LDLRAD4: variants seen among roughly 807,000 people sequenced by gnomAD.
LDLRAD4 encodes low-density lipoprotein receptor class A domain-containing protein 4.
A neutral mutation model predicts 17.0 loss-of-function variants in LDLRAD4; 5 were observed. That is an observed-to-expected ratio of 0.29 (90% CI 0.15 to 0.62). LDLRAD4 has a LOEUF of 0.62. Among genes scored for constraint, LDLRAD4 ranks in the 20% least tolerant of loss-of-function variants. LDLRAD4 has a pLI of 0.84. For synonymous variants in LDLRAD4, 168 were observed against 171.8 expected (o/e 0.98, Z 0.17); for missense variants, 340 against 424.7 (o/e 0.80, Z 1.75).
intron 1 of LDLRAD4, chr18:13,239,843 A>T (rs949932031): frequency 6.6e-6 from 1 of 152,268 alleles, no homozygotes; most frequent in Admixed American, 6.5e-5. Flanking sequence ...TGTACCAGCC[A>T]TGAGATGCCA....
chr18:13,418,521 G>T (rs1442880420), intron 2 of LDLRAD4, among the ~76,000 whole-genome samples: 1 of 152,192 alleles, frequency 6.6e-6, no homozygotes, highest in Non-Finnish European at 1.5e-5. Context: ...GCTGCTGTTG[G>T]CTTCTGGGTC....
At chr18:13,516,611 G>C (rs2093871275) in intron 3 of LDLRAD4, among the ~76,000 whole-genome samples, 1 of 152,174 alleles carries the variant, frequency 6.6e-6, no homozygotes, top group African/African-American at 2.4e-5. Context: ...CACTTCAAGT[G>C]GACACTATTT....
chr18:13,569,839 C>T (rs950152570), intron 3 of LDLRAD4, among the ~76,000 whole-genome samples: 1 of 152,176 alleles, frequency 6.6e-6, no homozygotes, highest in Non-Finnish European at 1.5e-5. Context: ...GAGCCAATAT[C>T]GTGCCACCGC....
At chr18:13,461,517 C>G (rs1208302711) in intron 3 of LDLRAD4, 1 of 152,118 alleles carries the variant, frequency 6.6e-6, no homozygotes, top group Non-Finnish European at 1.5e-5. Flanking sequence ...AAGAATAAAG[C>G]AACAAAAGCA....
chr18:13,353,445 T>A (rs773791226), intron 1 of LDLRAD4, among the ~76,000 whole-genome samples: 5 of 152,206 alleles, frequency 3.3e-5, no homozygotes, highest in Admixed American at 6.5e-5. Context: ...ATTTCCCCAA[T>A]ACTCTCACCT....
chr18:13,248,212 C>T (rs555445273), intron 1 of LDLRAD4, among the ~76,000 whole-genome samples: 11 of 152,238 alleles, frequency 7.2e-5, no homozygotes, highest in African/African-American at 2.2e-4. Flanking sequence ...CCGCCTGCCT[C>T]GGCCTCCCAA....
chr18:13,312,470 C>T (rs971995443), intron 1 of LDLRAD4, among the ~76,000 whole-genome samples: 2 of 152,046 alleles, frequency 1.3e-5, no homozygotes, highest in African/African-American at 4.8e-5. Flanking sequence ...AGTTGAGGGC[C>T]AGGCGCAGTG....
chr18:13,332,221 A>C (rs1037645786), intron 1 of LDLRAD4, among the ~76,000 whole-genome samples: 1 of 152,226 alleles, frequency 6.6e-6, no homozygotes. Context: ...AAAACACAAA[A>C]CATTCTTTTT....
In LDLRAD4 at chr18:13,518,628, T is replaced by G. The variant is rs373742760; in HGVS notation, c.181+80244T>G. On this transcript the variant is annotated intron_variant, in intron 3 of 5. Coordinates refer to ENST00000359446, the Ensembl canonical transcript of LDLRAD4. The stretch of plus-strand genomic sequence containing the variant: ...TCGTTTTTTAAAAGTGAGCTTATAA[T>G]TCTTAGAAGTACATCTATGGAAACT... 4.5e-4 allele frequency among the ~76,000 whole-genome samples: 69 copies of G among 152,350 alleles called. 1 individual carries two copies. In the South Asian group the frequency reaches 0.013, roughly 29 times the overall value.
intron 3 of LDLRAD4, among the ~76,000 whole-genome samples, chr18:13,452,442 A>G (rs1181987970): frequency 3.3e-5 from 5 of 151,920 alleles, no homozygotes; most frequent in Non-Finnish European, 7.4e-5. Context: ...CACTAGAGAG[A>G]GAGGAGGACC....
At chr18:13,391,207 A>G (rs1199631468) in intron 2 of LDLRAD4, among the ~76,000 whole-genome samples, 2 of 152,220 alleles carry the variant, frequency 1.3e-5, no homozygotes, top group Non-Finnish European at 2.9e-5. Context: ...GCAGTTAACC[A>G]TATGTCCACT....
rs1945786647 is a variant in LDLRAD4 at position 13,645,715 on chromosome 18, G to T, written c.*58G>T. 23 of 1,358,750 alleles carry T rather than the reference G, an allele frequency of 1.7e-5. No homozygotes were observed. In the South Asian group the frequency reaches 3.3e-4, roughly 20 times the overall value. The allele number at this position is 1,358,750 out of a possible 1,614,324, so 84.2% of individuals were successfully genotyped here. On this transcript the variant is annotated 3_prime_UTR_variant, in exon 6 of 6. Transcript: ENST00000359446. The surrounding 1 kb of genome is among the most constrained non-coding windows in gnomAD (Gnocchi z 5.7). ...AAACCAAGAAGGGAAGCGGCCGCTGGGCCCCTCCTGCGCACAGTGTTGTTC... is the reference window on the plus strand; with the variant it reads ...AAACCAAGAAGGGAAGCGGCCGCTGTGCCCCTCCTGCGCACAGTGTTGTTC...
intron 3 of LDLRAD4, among the ~76,000 whole-genome samples, chr18:13,485,032 A>C (rs1204462910): frequency 6.6e-6 from 1 of 152,196 alleles, no homozygotes; most frequent in Admixed American, 6.5e-5. Flanking sequence ...CCCTATTTGG[A>C]GAAATATTCT....
At chr18:13,308,222 C>T (rs532454030) in intron 1 of LDLRAD4, among the ~76,000 whole-genome samples, 13 of 152,152 alleles carry the variant, frequency 8.5e-5, no homozygotes, top group African/African-American at 2.4e-4. Context: ...TCCCACCCGC[C>T]GCCCCACACC....
At chr18:13,359,713 T>C (rs1332822623) in intron 1 of LDLRAD4, among the ~76,000 whole-genome samples, 2 of 152,232 alleles carry the variant, frequency 1.3e-5, no homozygotes, top group African/African-American at 4.8e-5. Flanking sequence ...GGATTTGGTC[T>C]TATCATCACA....
exon 6 of LDLRAD4, chr18:13,650,016 C>G (rs2043178339): frequency 2.5e-6 from 1 of 398,390 alleles, no homozygotes; most frequent in South Asian, 1.3e-4. Context: ...AGCCCAGATC[C>G]TAAATGCTAG....
At chr18:13,315,085 G>C (rs2080856387) in intron 1 of LDLRAD4, among the ~76,000 whole-genome samples, 1 of 152,186 alleles carries the variant, frequency 6.6e-6, no homozygotes, top group South Asian at 2.1e-4. Context: ...AGGAGCCCTG[G>C]AAAGCACCTA....
chr18:13,354,295 T>TTA (rs149150014), intron 1 of LDLRAD4, among the ~76,000 whole-genome samples: 1,636 of 152,336 alleles, frequency 0.011, 30 homozygotes, highest in African/African-American at 0.037. Flanking sequence ...ATTGTCAATT[T>TTA]TATGCTAAAA....
chr18:13,386,811 G>A (rs2085843239), intron 1 of LDLRAD4, among the ~76,000 whole-genome samples: 1 of 152,144 alleles, frequency 6.6e-6, no homozygotes, highest in Non-Finnish European at 1.5e-5. Context: ...TAGCACTTTG[G>A]GAGGCCAAGC....
Sources: gnomAD v4.1 joint callset for allele counts (sites outside exome capture counted in the v4.1 genomes callset) on GRCh38, gnomAD v4.1.1 for gene constraint, Gnocchi (gnomAD v3.1) non-coding constraint, MANE v1.5 for transcripts, NCBI Gene and HGNC (gene_info 2026-07-23, HGNC 2026-07-21) for gene names.